Variants in CCDC102B observed in about 807,000 individuals in gnomAD.
CCDC102B encodes coiled-coil domain-containing protein 102B.
Under a neutral mutation model 57.4 loss-of-function variants are expected in CCDC102B, and 75 were observed. The ratio of observed to expected loss-of-function variants is 1.31; its 90% CI spans 1.08 to 1.58. The LOEUF (loss-of-function observed/expected upper bound fraction) is 1.58. Ranked by LOEUF, CCDC102B falls within the 40% of genes most tolerant of loss-of-function variation. The pLI, the probability that CCDC102B is intolerant of heterozygous loss-of-function variation, is 0.00. For missense variants in CCDC102B, 636 were observed against 582.6 expected (o/e 1.09, Z -0.94); for synonymous variants, 206 against 201.9 (o/e 1.02, Z -0.17).
At chr18:68,951,544 A>C (rs560812007) in intron 6 of CCDC102B, among the ~76,000 whole-genome samples, 56 of 152,248 alleles carry the variant, frequency 3.7e-4, no homozygotes, top group African/African-American at 1.3e-3. Flanking sequence ...ATGGTGCCTC[A>C]TGCCCGTAAT....
Position 68,985,390 on chromosome 18 carries a change from C to T in CCDC102B, c.1264-25544C>T, listed in dbSNP as rs181609088. 3.6e-3 allele frequency among the ~76,000 whole-genome samples: 555 copies of T among 152,170 alleles called. 1 individual carries two copies. The highest frequency in any genetic ancestry group is 6.3e-3 in the Non-Finnish European group (428 of 68,006). On this transcript the variant is annotated intron_variant, in intron 6 of 7. Transcript: ENST00000360242. ...AGAGAAAACCACTACTCTCATAAAA[C>T]GTACACTCTGTATTTGTCAGTGTCC... is the stretch of plus-strand genomic sequence containing the variant.
intron 7 of CCDC102B, among the ~76,000 whole-genome samples, chr18:69,040,808 A>T (rs974306488): frequency 1.3e-5 from 2 of 152,070 alleles, no homozygotes; most frequent in Non-Finnish European, 2.9e-5. Flanking sequence ...AACTTAAAAA[A>T]TCTGTTTCTG....
At chr18:68,774,866 T>G (rs1211178836) in intron 2 of CCDC102B, among the ~76,000 whole-genome samples, 1 of 151,560 alleles carries the variant, frequency 6.6e-6, no homozygotes, top group Non-Finnish European at 1.5e-5. Flanking sequence ...CTTTTAATTT[T>G]AATATATATT....
At position 69,054,958 on chromosome 18, in the gene CCDC102B, G is replaced by A. The variant is rs114679115; in HGVS notation, c.*821G>A. 777 of 983,008 alleles carry A rather than the reference G, an allele frequency of 7.9e-4. 4 individuals carry two copies. In the African/African-American group the frequency reaches 9.1e-3, roughly 12 times the overall value. 60.9% of individuals were successfully genotyped at this position (983,008 alleles called of 1,614,324 possible). A position where few individuals can be genotyped will look rare whatever the true frequency, so the allele number is the denominator to read the frequency against. ...GTGAATATTTCTTTAAAACTTTTAT[G>A]TACATTATAGTTTATTGCTTCATAT... On this transcript the variant is annotated 3_prime_UTR_variant, in exon 8 of 8. Transcript: ENST00000360242.
rs145468202 is a variant in CCDC102B at position 68,949,635 on chromosome 18, C to CA, written c.1263+52210dup. 5.7e-3 allele frequency among the ~76,000 whole-genome samples: 870 copies of CA among 152,126 alleles called. 6 individuals are homozygous for CA. The highest frequency in any genetic ancestry group is 0.02 in the African/African-American group (835 of 41,492). On this transcript the variant is annotated intron_variant, in intron 6 of 7. Coordinates refer to ENST00000360242, the MANE Select transcript of CCDC102B (RefSeq NM_024781.3). ...TTTCTGCCTCTGCTATAATGAATGA[C>CA]AAAGGAACGATTTTCCTATATGAAA...
At chr18:68,816,672 G>A (rs1399219700) in intron 1 of CCDC102B, among the ~76,000 whole-genome samples, 1 of 151,972 alleles carries the variant, frequency 6.6e-6, no homozygotes, top group Admixed American at 6.6e-5. Flanking sequence ...CACCATGTTA[G>A]CCAGGATGGT....
At chr18:68,780,445 C>T (rs1317997786) in intron 2 of CCDC102B, among the ~76,000 whole-genome samples, 1 of 148,242 alleles carries the variant, frequency 6.7e-6, no homozygotes, top group East Asian at 2.0e-4. Flanking sequence ...GTAAGGATTT[C>T]ACCTCCACAT....
intron 2 of CCDC102B, among the ~76,000 whole-genome samples, chr18:68,778,830 G>A (rs17236101): frequency 0.45 from 67,243 of 149,014 alleles, 15,985 homozygotes; most frequent in East Asian, 0.81. Flanking sequence ...ATGACTTCTG[G>A]TCAAAGTGAT....
intron 2 of CCDC102B, among the ~76,000 whole-genome samples, chr18:68,790,486 C>T (rs922111253): frequency 3.9e-5 from 6 of 151,994 alleles, no homozygotes; most frequent in African/African-American, 9.7e-5. Flanking sequence ...AGCGAGACTC[C>T]GAGGGCGTAG....
At chr18:69,044,611 A>G (rs1487482035) in intron 7 of CCDC102B, among the ~76,000 whole-genome samples, 1 of 152,144 alleles carries the variant, frequency 6.6e-6, no homozygotes, top group Non-Finnish European at 1.5e-5. Context: ...CTTCCTTAAG[A>G]TTTTAATAGT....
chr18:68,749,008 C>T (rs952246268), intron 2 of CCDC102B, among the ~76,000 whole-genome samples: 19 of 152,172 alleles, frequency 1.2e-4, no homozygotes, highest in African/African-American at 4.6e-4. Context: ...AGCCAGTTTT[C>T]CCATCACCAT....
chr18:68,793,413 G>A (rs955341388), upstream of CCDC102B, among the ~76,000 whole-genome samples: 10 of 152,088 alleles, frequency 6.6e-5, no homozygotes, highest in African/African-American at 2.4e-4. Flanking sequence ...TGTATCTAAT[G>A]TTAGTACTAT....
At chr18:68,793,051 G>A (rs1266052464) in intron 2 of CCDC102B, among the ~76,000 whole-genome samples, 1 of 152,120 alleles carries the variant, frequency 6.6e-6, no homozygotes, top group Non-Finnish European at 1.5e-5. Flanking sequence ...AGTTTAATAA[G>A]ACCTGCTGGC....
intron 6 of CCDC102B, among the ~76,000 whole-genome samples, chr18:68,984,048 T>C (rs1244630710): frequency 6.6e-6 from 1 of 152,052 alleles, no homozygotes; most frequent in African/African-American, 2.4e-5. Flanking sequence ...AGCAACCTTT[T>C]TGATTTCAAA....
intron 5 of CCDC102B, among the ~76,000 whole-genome samples, chr18:68,886,918 G>A (rs1320815502): frequency 1.3e-5 from 2 of 151,860 alleles, no homozygotes; most frequent in African/African-American, 4.8e-5. Flanking sequence ...TCATTTTCTT[G>A]ACATTTAGAG....
At chr18:69,021,825 C>G (rs180913223) in intron 7 of CCDC102B, among the ~76,000 whole-genome samples, 1 of 152,188 alleles carries the variant, frequency 6.6e-6, no homozygotes, top group African/African-American at 2.4e-5. Context: ...AAAGTGAACA[C>G]ATGTCCAGCA....
intron 1 of CCDC102B, among the ~76,000 whole-genome samples, chr18:68,810,782 C>T (rs2036233780): frequency 7.0e-6 from 1 of 142,996 alleles, no homozygotes; most frequent in Non-Finnish European, 1.5e-5. Context: ...TGGTGGTTTG[C>T]TGCACCCATC....
At chr18:68,718,491 G>A (rs868304247) in intron 2 of CCDC102B, among the ~76,000 whole-genome samples, 4 of 152,126 alleles carry the variant, frequency 2.6e-5, no homozygotes, top group African/African-American at 7.2e-5. Flanking sequence ...TTGGGATACA[G>A]GTAAACATCA....
chr18:68,867,264 A>G (rs2039033475), intron 4 of CCDC102B, among the ~76,000 whole-genome samples: 2 of 152,152 alleles, frequency 1.3e-5, no homozygotes, highest in Non-Finnish European at 2.9e-5. Context: ...TGCTGGGATT[A>G]CAGGCGTGAG....
Sources: gnomAD v4.1 joint callset for allele counts (sites outside exome capture counted in the v4.1 genomes callset) on GRCh38, gnomAD v4.1.1 for gene constraint, MANE v1.5 for transcripts, NCBI Gene and HGNC (gene_info 2026-07-23, HGNC 2026-07-21) for gene names.